Variants in SH3GL2 observed in about 807,000 individuals in gnomAD.
SH3GL2 encodes the protein endophilin-A1.
A neutral mutation model predicts 46.0 loss-of-function variants in SH3GL2; 24 were observed. The ratio of observed to expected loss-of-function variants is 0.52; its 90% CI spans 0.38 to 0.73. The LOEUF (loss-of-function observed/expected upper bound fraction) is 0.73. Among genes scored for constraint, SH3GL2 ranks in the 30% least tolerant of loss-of-function variants. The probability of loss-of-function intolerance (pLI) is 0.00; values close to 1 mark genes in which losing one functional copy is unlikely to be tolerated. For missense variants in SH3GL2, 413 were observed against 424.2 expected (o/e 0.97, Z 0.23); for synonymous variants, 196 against 147.1 (o/e 1.33, Z -2.40).
In SH3GL2 at chr9:17,742,612, A is replaced by C. The variant is rs181151054; in HGVS notation, c.46-4454A>C. Among the ~76,000 whole-genome samples, 820 of 152,298 alleles carry C rather than the reference A, an allele frequency of 5.4e-3. 3 individuals carry two copies. The highest frequency in any genetic ancestry group is 7.7e-3 in the Non-Finnish European group (527 of 68,028). ...AGTCATCTTAACATTAGTATTCACA[A>C]AACTACATTGCAGTGAAATTCAACA... On this transcript the variant is annotated intron_variant, in intron 1 of 8. Transcript: ENST00000380607.
At chr9:17,637,264 A>C (rs563606553) in intron 1 of SH3GL2, among the ~76,000 whole-genome samples, 1 of 152,302 alleles carries the variant, frequency 6.6e-6, no homozygotes, top group Admixed American at 6.5e-5. Flanking sequence ...GAAGCTTATT[A>C]AGTGAGTAAA....
At chr9:17,676,430 AC>A (rs1381151804) in intron 1 of SH3GL2, among the ~76,000 whole-genome samples, 1 of 152,032 alleles carries the variant, frequency 6.6e-6, no homozygotes, top group Admixed American at 6.5e-5. Flanking sequence ...ACAGGGTGAA[AC>A]CCTGTCTCTA....
intron 1 of SH3GL2, among the ~76,000 whole-genome samples, chr9:17,636,322 A>C (rs1446428661): frequency 6.6e-6 from 1 of 152,188 alleles, no homozygotes; most frequent in Non-Finnish European, 1.5e-5. Context: ...TCTGTGTTCT[A>C]ATAACCTGCC....
chr9:17,744,160 T>A (rs1309396123), intron 1 of SH3GL2, among the ~76,000 whole-genome samples: 1 of 152,060 alleles, frequency 6.6e-6, no homozygotes, highest in Non-Finnish European at 1.5e-5. Context: ...AATTTAATGG[T>A]AAACCATGTA....
At chr9:17,635,995 T>A (rs1196611481) in intron 1 of SH3GL2, among the ~76,000 whole-genome samples, 12 of 152,196 alleles carry the variant, frequency 7.9e-5, no homozygotes, top group Admixed American at 7.9e-4. Context: ...CCTGCCAAGG[T>A]ATTCAAGTAC....
chr9:17,648,050 C>G lies in SH3GL2; in HGVS notation c.45+68763C>G, dbSNP rs145151199. 6.9e-4 allele frequency among the ~76,000 whole-genome samples: 103 copies of G among 149,898 alleles called. 1 individual carries two copies. The highest frequency in any genetic ancestry group is 2.2e-3 in the African/African-American group (86 of 39,258). Reference sequence around the variant, plus strand: ...ATTTATTAATATTTTCTTTCTGTAGCTTACTTTATTGTAAAAATACAGTAT... The same window carrying G: ...ATTTATTAATATTTTCTTTCTGTAGGTTACTTTATTGTAAAAATACAGTAT... On this transcript the variant is annotated intron_variant, in intron 1 of 8. Coordinates refer to ENST00000380607, the MANE Select transcript of SH3GL2 (RefSeq NM_003026.5).
chr9:17,653,614 C>T (rs1271131250), intron 1 of SH3GL2, among the ~76,000 whole-genome samples: 3 of 152,112 alleles, frequency 2.0e-5, no homozygotes, highest in Non-Finnish European at 4.4e-5. Flanking sequence ...CTTCCCAAGT[C>T]CAAGTGCTGC....
chr9:17,749,295 C>A (rs1019089824), intron 2 of SH3GL2, among the ~76,000 whole-genome samples: 10 of 152,334 alleles, frequency 6.6e-5, no homozygotes, highest in African/African-American at 2.4e-4. Context: ...ACTCCAGGAA[C>A]TGACACACAT....
chr9:17,712,249 C>G (rs960412953), intron 1 of SH3GL2, among the ~76,000 whole-genome samples: 5 of 151,572 alleles, frequency 3.3e-5, no homozygotes, highest in Non-Finnish European at 7.4e-5. Context: ...ATATTTTCTC[C>G]ACATCTATGG....
chr9:17,611,232 ATAACTT>A (rs1165299661), intron 1 of SH3GL2, among the ~76,000 whole-genome samples: 1 of 152,230 alleles, frequency 6.6e-6, no homozygotes, highest in African/African-American at 2.4e-5. Context: ...TACAGGTTGA[ATAACTT>A]TATAGTTTTC....
intron 1 of SH3GL2, among the ~76,000 whole-genome samples, chr9:17,683,594 T>TA (rs1588236307): frequency 1.3e-5 from 2 of 152,170 alleles, no homozygotes; most frequent in East Asian, 3.9e-4. Flanking sequence ...CCTACCCCTA[T>TA]ACCCAGGCAA....
At chr9:17,711,969 A>G (rs1821636909) in intron 1 of SH3GL2, among the ~76,000 whole-genome samples, 1 of 151,834 alleles carries the variant, frequency 6.6e-6, no homozygotes, top group Non-Finnish European at 1.5e-5. Context: ...ACCCTCACTA[A>G]TACTTGGCAT....
intron 1 of SH3GL2, among the ~76,000 whole-genome samples, chr9:17,633,929 C>CT (rs57657198): frequency 0.014 from 2,114 of 152,318 alleles, 50 homozygotes; most frequent in African/African-American, 0.049. Context: ...TTGGCAACCC[C>CT]TTTCTGCACT....
At chr9:17,752,040 A>G (rs1822862766) in intron 2 of SH3GL2, among the ~76,000 whole-genome samples, 1 of 152,206 alleles carries the variant, frequency 6.6e-6, no homozygotes, top group Non-Finnish European at 1.5e-5. Context: ...AAAAAAATAC[A>G]TTGGAGCAAT....
intron 1 of SH3GL2, among the ~76,000 whole-genome samples, chr9:17,681,948 A>C (rs1339842481): frequency 1.3e-5 from 2 of 152,228 alleles, no homozygotes; most frequent in African/African-American, 4.8e-5. Context: ...AAAAAAGCTC[A>C]ACATCACTGA....
rs567751997 is a variant in SH3GL2, at chr9:17,674,406, A to G, written c.46-72660A>G. Among the ~76,000 whole-genome samples, 215 of 152,156 alleles carry G rather than the reference A, an allele frequency of 1.4e-3. 2 individuals are homozygous for G. The highest frequency in any genetic ancestry group is 3.7e-4 in the Non-Finnish European group (25 of 67,984). On this transcript the variant is annotated intron_variant, in intron 1 of 8. Coordinates refer to ENST00000380607, the MANE Select transcript of SH3GL2 (RefSeq NM_003026.5). ...CTGAACCTCCTTAGTAGCTGGGACT[A>G]CAGGTGTGGCCCACCATGCCTGGCT...
At chr9:17,752,234 G>A (rs1020196037) in intron 2 of SH3GL2, among the ~76,000 whole-genome samples, 39 of 152,142 alleles carry the variant, frequency 2.6e-4, no homozygotes, top group African/African-American at 9.4e-4. Context: ...CTCGCTGCCA[G>A]ACAGACCTTC....
chr9:17,745,002 T>G (rs1313463629), intron 1 of SH3GL2, among the ~76,000 whole-genome samples: 1 of 152,162 alleles, frequency 6.6e-6, no homozygotes, highest in Non-Finnish European at 1.5e-5. Context: ...TCTTCAGAGC[T>G]GTTGGGTGGA....
chr9:17,686,469 G>T (rs1820913264), intron 1 of SH3GL2, among the ~76,000 whole-genome samples: 1 of 144,210 alleles, frequency 6.9e-6, no homozygotes, highest in South Asian at 2.4e-4. Context: ...AAATCATGCT[G>T]CTATAAAGAC....
Sources: gnomAD v4.1 joint callset for allele counts (sites outside exome capture counted in the v4.1 genomes callset) on GRCh38, gnomAD v4.1.1 for gene constraint, MANE v1.5 for transcripts, NCBI Gene and HGNC (gene_info 2026-07-23, HGNC 2026-07-21) for gene names.